FARS2: variants seen among roughly 807,000 people sequenced by gnomAD.
The protein encoded by FARS2 is phenylalanine--tRNA ligase, mitochondrial.
Under a neutral mutation model 46.4 loss-of-function variants are expected in FARS2, and 40 were observed. The observed-to-expected ratio is 0.86, with a 90% CI of 0.67 to 1.12. FARS2 has a LOEUF of 1.12. Ranked by LOEUF, FARS2 falls within the 50% of genes most tolerant of loss-of-function variation. FARS2 has a pLI of 0.00. For missense variants in FARS2, 513 were observed against 567.9 expected (o/e 0.90, Z 0.98); for synonymous variants, 234 against 214.9 (o/e 1.09, Z -0.78).
intron 2 of FARS2, among the ~76,000 whole-genome samples, chr6:5,402,336 A>G (rs1255753579): frequency 1.7e-5 from 2 of 120,530 alleles, no homozygotes. Context: ...GATTGAGCAT[A>G]TGTAACTTAG....
intron 5 of FARS2, among the ~76,000 whole-genome samples, chr6:5,548,765 AT>A (rs565406368): frequency 3.9e-5 from 6 of 152,122 alleles, no homozygotes; most frequent in Middle Eastern, 3.4e-3. Flanking sequence ...ACTAAATGTC[AT>A]TTTTTTTCTC....
chr6:5,480,527 G>C (rs1039906266), intron 4 of FARS2, among the ~76,000 whole-genome samples: 10 of 152,238 alleles, frequency 6.6e-5, no homozygotes, highest in African/African-American at 2.4e-4. Context: ...ACCTGTTTTA[G>C]TAAGTTAAGT....
intron 6 of FARS2, among the ~76,000 whole-genome samples, chr6:5,748,742 T>G (rs1256444590): frequency 6.6e-6 from 1 of 152,252 alleles, no homozygotes; most frequent in Non-Finnish European, 1.5e-5. Context: ...CAGTTCTGAA[T>G]ACTTTTCATT....
rs1561969638 is a variant in FARS2 at position 5,341,206 on chromosome 6, TATATATATATATATATATATATA to T, written c.-21-27343_-21-27321del. ...ATGGGGAGATATATATATATATATA[TATATATATATATATATATATATA>T]TATATATTTTTTTTTTTTTTTTTTT... On this transcript the variant is annotated intron_variant, in intron 1 of 6. Coordinates refer to ENST00000274680, the MANE Select transcript of FARS2 (RefSeq NM_006567.5). 5.9e-3 allele frequency among the ~76,000 whole-genome samples: 47 copies of T among 8,010 alleles called. 3 individuals are homozygous for T. Among genetic ancestry groups the T allele is most frequent in the African/African-American group, 0.013 (33 of 2,498 alleles). The allele number at this position is 8,010 out of a possible 152,430, so 5.3% of individuals were successfully genotyped here.
Position 5,759,062 on chromosome 6 carries a change from T to G in FARS2, c.1218-12229T>G, listed in dbSNP as rs560918635. On this transcript the variant is annotated intron_variant, in intron 6 of 6. Transcript: ENST00000274680. ...TGACGGGACATGCAGAACTGTTTTCTCCATGTTATAGATGAGAAAACCCAT... is the reference window on the plus strand; with the variant it reads ...TGACGGGACATGCAGAACTGTTTTCGCCATGTTATAGATGAGAAAACCCAT... 1.6e-4 allele frequency among the ~76,000 whole-genome samples: 25 copies of G among 152,296 alleles called. No individual in the cohort carries two copies. In the South Asian group the frequency reaches 5.0e-3, roughly 30 times the overall value.
intron 6 of FARS2, among the ~76,000 whole-genome samples, chr6:5,705,920 T>G (rs1758727719): frequency 6.6e-6 from 1 of 152,130 alleles, no homozygotes; most frequent in Non-Finnish European, 1.5e-5. Context: ...TTTGCCATTT[T>G]CTCCTCATTG....
chr6:5,682,985 C>T (rs1027671185), intron 6 of FARS2, among the ~76,000 whole-genome samples: 1 of 152,186 alleles, frequency 6.6e-6, no homozygotes, highest in African/African-American at 2.4e-5. Context: ...TGAGGCAGAA[C>T]CGAGTTTGAC....
At chr6:5,538,842 C>T (rs76337127) in intron 4 of FARS2, among the ~76,000 whole-genome samples, 1 of 152,138 alleles carries the variant, frequency 6.6e-6, no homozygotes, top group Non-Finnish European at 1.5e-5. Context: ...TTGCAACCCT[C>T]CATGAAAATT....
At chr6:5,395,268 C>T (rs1156809898) in intron 2 of FARS2, among the ~76,000 whole-genome samples, 1 of 152,152 alleles carries the variant, frequency 6.6e-6, no homozygotes, top group African/African-American at 2.4e-5. Flanking sequence ...CCAGGCTGGT[C>T]TTGAGCTCCT....
chr6:5,283,240 G>A (rs1339584708), intron 1 of FARS2, among the ~76,000 whole-genome samples: 3 of 152,100 alleles, frequency 2.0e-5, no homozygotes, highest in Non-Finnish European at 4.4e-5. Context: ...GGGCATGTTG[G>A]CATGCGCCTG....
intron 5 of FARS2, among the ~76,000 whole-genome samples, chr6:5,588,379 T>C (rs1773735571): frequency 6.6e-6 from 1 of 152,200 alleles, no homozygotes; most frequent in South Asian, 2.1e-4. Context: ...GTTAGAAATC[T>C]GGAAGGTGTT....
At chr6:5,403,617 G>A (rs1004383329) in intron 2 of FARS2, among the ~76,000 whole-genome samples, 2 of 151,826 alleles carry the variant, frequency 1.3e-5, no homozygotes, top group Non-Finnish European at 2.9e-5. Context: ...AAGAATTTCT[G>A]TATTTTTTTC....
At position 5,486,359 on chromosome 6, in the gene FARS2, T is replaced by C. The variant is rs367886052; in HGVS notation, c.904+55187T>C. Among the ~76,000 whole-genome samples the C allele has an allele frequency of 3.4e-4, 52 of 152,342 alleles. 1 individual carries two copies. Among genetic ancestry groups the C allele is most frequent in the African/African-American group, 1.2e-3 (49 of 41,578 alleles). On this transcript the variant is annotated intron_variant, in intron 4 of 6. Transcript: ENST00000274680. ...AAGTGTTTCCCTGAGCCCCAAACCCTGTTTCCACGCAGAACAGGTCTGTTC... is the reference window on the plus strand; with the variant it reads ...AAGTGTTTCCCTGAGCCCCAAACCCCGTTTCCACGCAGAACAGGTCTGTTC...
chr6:5,430,900 CAT>C (rs1763122956), intron 3 of FARS2, 139 bp from the exon 4 acceptor site: 1 of 774,180 alleles, frequency 1.3e-6, no homozygotes, highest in Admixed American at 2.5e-5. Context: ...CTCACCCTAA[CAT>C]GTTGCAAATT....
In FARS2 at chr6:5,613,153, C is replaced by T; in HGVS notation, c.1066-16C>T. The T allele has an allele frequency of 6.2e-7, 1 of 1,605,970 alleles. No homozygotes were observed. Among genetic ancestry groups the T allele is most frequent in the Non-Finnish European group, 8.5e-7 (1 of 1,175,930 alleles). ...ACTAACAAGTTCATGTATCTTTTCT[C>T]CTCTTGTTTTGTTAGCCTCTTAGCA... On this transcript the variant is annotated splice_polypyrimidine_tract_variant and intron_variant, in intron 5 of 6. Transcript: ENST00000274680.
chr6:5,260,991 G>A, upstream of FARS2: 1 of 1,110,900 alleles, frequency 9.0e-7, no homozygotes, highest in Non-Finnish European at 1.1e-6. Flanking sequence ...AGATGCCTCC[G>A]CCCCGCCCCG....
At chr6:5,306,923 GA>G (rs1313104590) in intron 1 of FARS2, among the ~76,000 whole-genome samples, 1 of 149,160 alleles carries the variant, frequency 6.7e-6, no homozygotes, top group African/African-American at 2.6e-5. Flanking sequence ...TGATAAATAC[GA>G]ATTTGTTCTG....
At chr6:5,559,533 T>C (rs1349143122) in intron 5 of FARS2, among the ~76,000 whole-genome samples, 1 of 152,230 alleles carries the variant, frequency 6.6e-6, no homozygotes, top group Admixed American at 6.5e-5. Flanking sequence ...TTTACCTTTC[T>C]CATGTTCTTA....
chr6:5,315,308 G>A (rs1215037715), intron 1 of FARS2, among the ~76,000 whole-genome samples: 3 of 152,124 alleles, frequency 2.0e-5, no homozygotes, highest in Admixed American at 6.5e-5. Flanking sequence ...TGTCTACACT[G>A]TCTAGCCTTT....
Sources: allele counts gnomAD v4.1 joint callset (sites outside exome capture counted in the v4.1 genomes callset), GRCh38; gene constraint gnomAD v4.1.1; transcripts MANE v1.5; gene names NCBI Gene and HGNC (gene_info 2026-07-23, HGNC 2026-07-21).